Variants in TAFA5 observed in about 807,000 individuals in gnomAD.
TAFA5 encodes chemokine-like protein TAFA-5.
A neutral mutation model predicts 15.3 loss-of-function variants in TAFA5; 6 were observed. That is an observed-to-expected ratio of 0.39 (90% confidence interval 0.21 to 0.77). TAFA5 has a LOEUF of 0.77. TAFA5 is among the 30% of genes least tolerant of loss of function. The probability of loss-of-function intolerance (pLI) is 0.41; values close to 1 mark genes in which losing one functional copy is unlikely to be tolerated. For synonymous variants in TAFA5, 103 were observed against 80.7 expected, an observed-to-expected ratio of 1.28 and a Z score of -1.48; for missense variants, 161 against 193.1, an observed-to-expected ratio of 0.83 and a Z score of 0.98.
At chr22:48,718,056 C>G (rs1419687086) in intron 3 of TAFA5, among the ~76,000 whole-genome samples, 4 of 152,166 alleles carry the variant, frequency 2.6e-5, no homozygotes, top group Admixed American at 2.6e-4. Flanking sequence ...GAGCTCGTGG[C>G]CTTGCATGGC....
chr22:48,574,785 G>C (rs1156548700), intron 1 of TAFA5, among the ~76,000 whole-genome samples: 4 of 152,210 alleles, frequency 2.6e-5, no homozygotes, highest in African/African-American at 7.2e-5. Flanking sequence ...CTGGGCTCTG[G>C]GGCGAACCCC....
At chr22:48,579,885 G>C (rs546839643) in intron 1 of TAFA5, among the ~76,000 whole-genome samples, 2 of 152,212 alleles carry the variant, frequency 1.3e-5, no homozygotes, top group Non-Finnish European at 2.9e-5. Context: ...CATTCGGCCC[G>C]ATCCTTTCTG....
chr22:48,626,624 C>T (rs974632171), intron 1 of TAFA5, among the ~76,000 whole-genome samples: 18 of 152,198 alleles, frequency 1.2e-4, no homozygotes, highest in South Asian at 4.1e-4. Flanking sequence ...TAACATCTCT[C>T]TGTCTGCGGT....
intron 2 of TAFA5, among the ~76,000 whole-genome samples, chr22:48,678,321 T>C (rs1928040983): frequency 6.6e-6 from 1 of 152,140 alleles, no homozygotes; most frequent in Non-Finnish European, 1.5e-5. Flanking sequence ...GCTCCACACC[T>C]GGATGCAGTG....
At chr22:48,674,252 G>A (rs1181573484) in intron 2 of TAFA5, among the ~76,000 whole-genome samples, 2 of 152,162 alleles carry the variant, frequency 1.3e-5, no homozygotes, top group Non-Finnish European at 2.9e-5. Context: ...ACAGTGAGAC[G>A]GTATGTCACA....
At chr22:48,601,805 G>A (rs527319373) in intron 1 of TAFA5, among the ~76,000 whole-genome samples, 2 of 152,154 alleles carry the variant, frequency 1.3e-5, no homozygotes, top group East Asian at 1.9e-4. Flanking sequence ...GTGAGAGTGC[G>A]CCCTACGCCT....
chr22:48,531,579 G>A (rs1041029861), intron 1 of TAFA5, among the ~76,000 whole-genome samples: 1 of 152,190 alleles, frequency 6.6e-6, no homozygotes, highest in Non-Finnish European at 1.5e-5. Flanking sequence ...TAGCCGGCCT[G>A]CACCCCTAAG....
intron 3 of TAFA5, among the ~76,000 whole-genome samples, chr22:48,721,575 T>C (rs1186390154): frequency 6.6e-6 from 1 of 152,252 alleles, no homozygotes; most frequent in African/African-American, 2.4e-5. Flanking sequence ...TTTTCTCCTA[T>C]TGGTTTATAA....
chr22:48,561,502 C>A (rs555512659), intron 1 of TAFA5, among the ~76,000 whole-genome samples: 1 of 152,276 alleles, frequency 6.6e-6, no homozygotes, highest in South Asian at 2.1e-4. Context: ...ACTTCTGGAG[C>A]CTGACCTCTC....
chr22:48,728,694 C>T (rs1929776556), intron 3 of TAFA5, among the ~76,000 whole-genome samples: 1 of 152,166 alleles, frequency 6.6e-6, no homozygotes. Flanking sequence ...ATCTTCAAAT[C>T]AGAAAGAATG....
chr22:48,551,318 C>T (rs921724684), intron 1 of TAFA5, among the ~76,000 whole-genome samples: 1 of 152,158 alleles, frequency 6.6e-6, no homozygotes, highest in Non-Finnish European at 1.5e-5. Flanking sequence ...GGCTGGGCGG[C>T]TCGGCTCTGA....
chr22:48,551,313 G>T (rs2147126458), intron 1 of TAFA5, among the ~76,000 whole-genome samples: 1 of 152,260 alleles, frequency 6.6e-6, no homozygotes, highest in South Asian at 2.1e-4. Flanking sequence ...CCGAGGGCTG[G>T]GCGGCTCGGC....
At chr22:48,622,508 C>T (rs1241985723) in intron 1 of TAFA5, among the ~76,000 whole-genome samples, 1 of 152,136 alleles carries the variant, frequency 6.6e-6, no homozygotes, top group Non-Finnish European at 1.5e-5. Flanking sequence ...AGAAACTACT[C>T]AGGGGAGCTG....
chr22:48,590,347 G>C (rs753550170), intron 1 of TAFA5, among the ~76,000 whole-genome samples: 2 of 152,222 alleles, frequency 1.3e-5, no homozygotes, highest in African/African-American at 2.4e-5. Flanking sequence ...GGTTTTATGC[G>C]GATGCGGACG....
chr22:48,494,144 T>A (rs961886118), intron 1 of TAFA5, among the ~76,000 whole-genome samples: 4 of 152,224 alleles, frequency 2.6e-5, no homozygotes, highest in African/African-American at 9.7e-5. Flanking sequence ...GAATGAAATA[T>A]GTAGATCAAC....
intron 3 of TAFA5, among the ~76,000 whole-genome samples, chr22:48,718,376 AGGTGGTGGCTGT>A (rs1235123216): frequency 6.6e-6 from 1 of 152,150 alleles, no homozygotes; most frequent in African/African-American, 2.4e-5. Context: ...CCAAGCAGGA[AGGTGGTGGCTGT>A]GGTTGTGGAG....
At chr22:48,741,443 G>A (rs1930178869) in intron 3 of TAFA5, among the ~76,000 whole-genome samples, 1 of 152,224 alleles carries the variant, frequency 6.6e-6, no homozygotes, top group Non-Finnish European at 1.5e-5. Flanking sequence ...GAACTTCAGA[G>A]AGAGTCCTCA....
chr22:48,632,030 G>A (rs4925412), intron 1 of TAFA5, among the ~76,000 whole-genome samples: 5,920 of 152,314 alleles, frequency 0.039, 164 homozygotes, highest in Non-Finnish European at 0.058. Flanking sequence ...TCATCACGTT[G>A]TCACTGAGTG....
chr22:48,520,862 C>G (rs1435273369), intron 1 of TAFA5, among the ~76,000 whole-genome samples: 1 of 152,110 alleles, frequency 6.6e-6, no homozygotes, highest in Non-Finnish European at 1.5e-5. Context: ...TGGGCTTCAG[C>G]ACATCCCTCA....
Sources: allele counts gnomAD v4.1 joint callset (sites outside exome capture counted in the v4.1 genomes callset), GRCh38; gene constraint gnomAD v4.1.1; transcripts MANE v1.5; gene names NCBI Gene and HGNC (gene_info 2026-07-23, HGNC 2026-07-21).